Variants in CLSTN2 observed in about 807,000 individuals in gnomAD.
CLSTN2 encodes calsyntenin-2.
A neutral mutation model predicts 101.2 loss-of-function variants in CLSTN2; 48 were observed. The observed-to-expected ratio is 0.47, with a 90% CI of 0.38 to 0.60. CLSTN2 has a LOEUF of 0.60. Among genes scored for constraint, CLSTN2 ranks in the 20% least tolerant of loss-of-function variants. CLSTN2 has a pLI of 0.00. For synonymous variants in CLSTN2, 481 were observed against 463.6 expected (o/e 1.04, Z -0.48); for missense variants, 1,160 against 1,238.2 (o/e 0.94, Z 0.95).
intron 5 of CLSTN2, among the ~76,000 whole-genome samples, chr3:140,439,273 T>C (rs1284799238): frequency 1.3e-5 from 2 of 152,174 alleles, no homozygotes; most frequent in East Asian, 3.9e-4. Context: ...TGGCACCAGT[T>C]CTCCTGGCTG....
chr3:140,168,584 C>G (rs1305890872), intron 1 of CLSTN2, among the ~76,000 whole-genome samples: 1 of 151,878 alleles, frequency 6.6e-6, no homozygotes, highest in South Asian at 2.1e-4. Flanking sequence ...CCCAAGGACA[C>G]TAAGATTTTC....
intron 2 of CLSTN2, among the ~76,000 whole-genome samples, chr3:140,215,801 C>T (rs1224559942): frequency 6.6e-6 from 1 of 152,188 alleles, no homozygotes; most frequent in East Asian, 1.9e-4. Flanking sequence ...TGTGTTAATT[C>T]ATATAAAATG....
At chr3:140,495,647 G>A (rs559708352) in intron 8 of CLSTN2, among the ~76,000 whole-genome samples, 5 of 152,268 alleles carry the variant, frequency 3.3e-5, no homozygotes, top group African/African-American at 9.6e-5. Flanking sequence ...GTATAAAGGT[G>A]TAAGGAAGGG....
At chr3:140,279,442 G>C in intron 2 of CLSTN2, among the ~76,000 whole-genome samples, 1 of 152,352 alleles carries the variant, frequency 6.6e-6, no homozygotes, top group African/African-American at 2.4e-5. Context: ...GCTGCCAAAA[G>C]GTGTTACATT....
intron 1 of CLSTN2, among the ~76,000 whole-genome samples, chr3:140,022,648 A>C (rs938379557): frequency 2.0e-5 from 3 of 152,154 alleles, no homozygotes; most frequent in Non-Finnish European, 2.9e-5. Flanking sequence ...AAGGAGAGTG[A>C]CCTAATTTCA....
At chr3:140,225,243 G>T (rs1033610556) in intron 2 of CLSTN2, among the ~76,000 whole-genome samples, 3 of 152,156 alleles carry the variant, frequency 2.0e-5, no homozygotes, top group Admixed American at 6.5e-5. Context: ...CCTTCTGGTT[G>T]GTCTGCCTTT....
chr3:140,228,626 G>C (rs541451286), intron 2 of CLSTN2, among the ~76,000 whole-genome samples: 1 of 152,194 alleles, frequency 6.6e-6, no homozygotes, highest in Admixed American at 6.5e-5. Flanking sequence ...TGCTGATAAA[G>C]ATATACCAGA....
intron 1 of CLSTN2, among the ~76,000 whole-genome samples, chr3:139,991,431 A>G (rs886738785): frequency 1.3e-5 from 2 of 152,254 alleles, no homozygotes; most frequent in Non-Finnish European, 2.9e-5. Context: ...TCCAAAAGTT[A>G]GAAGACAATA....
At chr3:140,339,639 CT>C in intron 2 of CLSTN2, among the ~76,000 whole-genome samples, 1 of 152,264 alleles carries the variant, frequency 6.6e-6, no homozygotes, top group East Asian at 1.9e-4. Flanking sequence ...CCATGGGGGC[CT>C]TGAAACAGAG....
rs576856055 is a variant in CLSTN2 at position 140,498,342 on chromosome 3, G to GC, written c.1344+31617dup. On this transcript the variant is annotated intron_variant, in intron 8 of 16. Coordinates refer to ENST00000458420, the MANE Select transcript of CLSTN2 (RefSeq NM_022131.3). ...GCCACTCTTCAGGGACAATCAGGGA[G>GC]CCCCCCTAATGGAGTGAGGTGCTGT... is the stretch of plus-strand genomic sequence containing the variant. 4.1e-4 allele frequency among the ~76,000 whole-genome samples: 63 copies of GC among 152,268 alleles called. 1 individual carries two copies. In the South Asian group the frequency reaches 4.1e-3, roughly 10 times the overall value.
At chr3:140,463,059 G>A (rs1933600305) in intron 7 of CLSTN2, among the ~76,000 whole-genome samples, 1 of 152,228 alleles carries the variant, frequency 6.6e-6, no homozygotes, top group Admixed American at 6.5e-5. Context: ...TGAGGTCATT[G>A]TGTGGGGCCC....
intron 1 of CLSTN2, among the ~76,000 whole-genome samples, chr3:139,980,442 C>T (rs941321576): frequency 6.6e-6 from 1 of 152,058 alleles, no homozygotes; most frequent in Non-Finnish European, 1.5e-5. Flanking sequence ...CCATCTATGA[C>T]TATATTATGG....
intron 2 of CLSTN2, among the ~76,000 whole-genome samples, chr3:140,313,881 G>A (rs1305814218): frequency 6.6e-6 from 1 of 152,336 alleles, no homozygotes; most frequent in South Asian, 2.1e-4. Flanking sequence ...TTGAGGGCAG[G>A]TCAAAGTGGA....
At chr3:140,114,307 C>A (rs1412823185) in intron 1 of CLSTN2, among the ~76,000 whole-genome samples, 1 of 152,190 alleles carries the variant, frequency 6.6e-6, no homozygotes, top group Admixed American at 6.5e-5. Flanking sequence ...GCCAAGAATG[C>A]TCTCTGTATT....
At chr3:140,135,115 C>CATATATAT (rs1560105560) in intron 1 of CLSTN2, among the ~76,000 whole-genome samples, 5 of 52,054 alleles carry the variant, frequency 9.6e-5, no homozygotes, top group African/African-American at 3.9e-4. Flanking sequence ...CACACACACA[C>CATATATAT]ACATATATAT....
intron 1 of CLSTN2, among the ~76,000 whole-genome samples, chr3:140,123,175 G>C (rs369873465): frequency 5.2e-5 from 6 of 115,122 alleles, no homozygotes; most frequent in East Asian, 6.5e-4. Context: ...GCGGGGGGGT[G>C]GGGGGCGGGA....
intron 2 of CLSTN2, among the ~76,000 whole-genome samples, chr3:140,321,008 G>A (rs2087278498): frequency 6.6e-6 from 1 of 152,194 alleles, no homozygotes; most frequent in Admixed American, 6.5e-5. Flanking sequence ...ACCATACAAA[G>A]GATGTGCTGG....
At chr3:140,133,547 A>G (rs1395498769) in intron 1 of CLSTN2, among the ~76,000 whole-genome samples, 3 of 152,194 alleles carry the variant, frequency 2.0e-5, no homozygotes, top group African/African-American at 7.2e-5. Context: ...GGGTGGAAGC[A>G]TGCAAGATAG....
At chr3:140,211,834 A>G (rs577932502) in intron 2 of CLSTN2, among the ~76,000 whole-genome samples, 143 of 152,254 alleles carry the variant, frequency 9.4e-4, no homozygotes, top group Admixed American at 1.7e-3. Flanking sequence ...AAAAGAAGGA[A>G]AGAAAGAAAC....
Sources: allele counts gnomAD v4.1 joint callset (sites outside exome capture counted in the v4.1 genomes callset), GRCh38; gene constraint gnomAD v4.1.1; transcripts MANE v1.5; gene names NCBI Gene and HGNC (gene_info 2026-07-23, HGNC 2026-07-21).